FSTL4: variants seen among roughly 807,000 people sequenced by gnomAD.
FSTL4 encodes follistatin like 4.
In FSTL4, 28 loss-of-function variants were observed where a neutral mutation model predicts 78.2. That is an observed-to-expected ratio of 0.36 (90% confidence interval 0.27 to 0.49). The LOEUF is 0.49. Ranked by LOEUF, FSTL4 falls within the 20% of genes least tolerant of loss-of-function variation. The pLI, the probability that FSTL4 is intolerant of heterozygous loss-of-function variation, is 0.98. For missense variants in FSTL4, 922 were observed against 1,084.9 expected (o/e 0.85, Z 2.11); for synonymous variants, 422 against 440.5 (o/e 0.96, Z 0.53).
At chr5:133,550,406 A>T (rs1046808184) in intron 3 of FSTL4, among the ~76,000 whole-genome samples, 4 of 152,218 alleles carry the variant, frequency 2.6e-5, no homozygotes, top group Non-Finnish European at 4.4e-5. Context: ...AATGCATTTC[A>T]GTAAGTATTC....
At chr5:133,704,148 C>A in the FSTL4 span, among the ~76,000 whole-genome samples, 1 of 152,094 alleles carries the variant, frequency 6.6e-6, no homozygotes, top group South Asian at 2.1e-4. Context: ...TAGCAGAGGG[C>A]CCTCTCTGGA....
intron 4 of FSTL4, 26 bp downstream of exon 4, chr5:133,400,712 C>A: frequency 6.2e-7 from 1 of 1,603,814 alleles, no homozygotes; most frequent in Non-Finnish European, 8.5e-7. Flanking sequence ...AAACCCAAAA[C>A]CACAGGGCAA....
At chr5:133,746,808 A>G in the FSTL4 span, among the ~76,000 whole-genome samples, 1 of 152,198 alleles carries the variant, frequency 6.6e-6, no homozygotes, top group Non-Finnish European at 1.5e-5. Context: ...TAAAACAGCA[A>G]ATCTAACCAT....
At chr5:133,313,857 G>C (rs758005845) in intron 5 of FSTL4, among the ~76,000 whole-genome samples, 1 of 152,124 alleles carries the variant, frequency 6.6e-6, no homozygotes, top group Non-Finnish European at 1.5e-5. Flanking sequence ...ACTTTTTATA[G>C]GACTGACAAG....
At position 133,225,514 on chromosome 5, in the gene FSTL4, G is replaced by A; in HGVS notation, c.1177+144C>T. 1.1e-6 allele frequency: 1 copy of A among 873,894 alleles called. No individual in the cohort carries two copies. The highest frequency in any genetic ancestry group is 1.8e-6 in the Non-Finnish European group (1 of 557,832). 54.1% of individuals were successfully genotyped at this position (873,894 alleles called of 1,614,324 possible). On this transcript the variant is annotated intron_variant, in intron 9 of 15. Transcript: ENST00000265342. This position sits in a 1 kb window ranked among gnomAD's most constrained non-coding sequence, Gnocchi z 4.6. ...GCCCCAAAAGATCTGTGTGAGCCCA[G>A]ATAACAGGGAAATTTGGGAGCCATC... is the stretch of plus-strand genomic sequence containing the variant.
At chr5:133,736,547 T>C in the FSTL4 span, among the ~76,000 whole-genome samples, 1 of 152,236 alleles carries the variant, frequency 6.6e-6, no homozygotes, top group Admixed American at 6.5e-5. Flanking sequence ...CAGTCATTTG[T>C]GACTTGTGAC....
At chr5:133,492,257 A>T (rs1281554568) in intron 3 of FSTL4, among the ~76,000 whole-genome samples, 1 of 152,192 alleles carries the variant, frequency 6.6e-6, no homozygotes, top group East Asian at 1.9e-4. Flanking sequence ...TAGTCATTTT[A>T]TTATCAATGC....
Position 133,448,738 on chromosome 5 carries a change from G to GC in FSTL4, c.161-47753dup, listed in dbSNP as rs1554115243. Among the ~76,000 whole-genome samples, 4 of 75,398 alleles carry GC rather than the reference G, an allele frequency of 5.3e-5. No homozygotes were observed. The East Asian group carries it at 1.9e-3, about 36-fold the overall frequency. The allele number at this position is 75,398 out of a possible 152,430, so 49.5% of individuals were successfully genotyped here. A position where few individuals can be genotyped will look rare whatever the true frequency, so the allele number is the denominator to read the frequency against. On this transcript the variant is annotated intron_variant, in intron 3 of 15. Transcript: ENST00000265342. ...CTTCAGAATCCCCAGGGGTGCGGGG[G>GC]CGGGGGGGGGGGGCGCTCAGAATTT...
chr5:133,675,895 G>A, the FSTL4 span, among the ~76,000 whole-genome samples: 5 of 152,234 alleles, frequency 3.3e-5, no homozygotes, highest in Admixed American at 6.5e-5. Context: ...CTTGGTCTCC[G>A]GGCCTGGCAA....
intron 6 of FSTL4, among the ~76,000 whole-genome samples, chr5:133,301,828 G>A (rs979498270): frequency 3.3e-5 from 5 of 152,140 alleles, no homozygotes; most frequent in African/African-American, 9.7e-5. Flanking sequence ...TGTTGCTGCA[G>A]TGTTGGAATT....
At chr5:133,456,042 G>A (rs985039891) in intron 3 of FSTL4, among the ~76,000 whole-genome samples, 1 of 152,230 alleles carries the variant, frequency 6.6e-6, no homozygotes, top group Non-Finnish European at 1.5e-5. Flanking sequence ...TGTAAGGCAG[G>A]GGAGGGCGTT....
chr5:133,839,895 G>GC, the FSTL4 span, among the ~76,000 whole-genome samples: 2 of 152,230 alleles, frequency 1.3e-5, no homozygotes, highest in African/African-American at 4.8e-5. Flanking sequence ...GGGGCCATTA[G>GC]CCAGTTGGCA....
At chr5:133,536,612 T>A (rs938561028) in intron 3 of FSTL4, among the ~76,000 whole-genome samples, 4 of 152,116 alleles carry the variant, frequency 2.6e-5, no homozygotes, top group Non-Finnish European at 4.4e-5. Flanking sequence ...ATATGTGGCA[T>A]ATAAAATAAC....
At chr5:133,657,772 TTTG>T in the FSTL4 span, among the ~76,000 whole-genome samples, 7 of 109,234 alleles carry the variant, frequency 6.4e-5, no homozygotes, top group South Asian at 8.6e-4. Flanking sequence ...TTTTGTTTTT[TTTG>T]TTTTTTTTTT....
chr5:133,644,670 T>C, the FSTL4 span, among the ~76,000 whole-genome samples: 1 of 152,102 alleles, frequency 6.6e-6, no homozygotes, highest in African/African-American at 2.4e-5. Flanking sequence ...GACAGCCCGA[T>C]TATTTGAACA....
intron 3 of FSTL4, among the ~76,000 whole-genome samples, chr5:133,411,312 C>T (rs1208966806): frequency 4.6e-5 from 7 of 152,082 alleles, no homozygotes; most frequent in Admixed American, 4.6e-4. Flanking sequence ...TACCAAAATG[C>T]CACGAGAATC....
At chr5:133,419,920 A>T (rs1173740894) in intron 3 of FSTL4, among the ~76,000 whole-genome samples, 1 of 152,274 alleles carries the variant, frequency 6.6e-6, no homozygotes, top group Non-Finnish European at 1.5e-5. Flanking sequence ...ATCCAAGAGA[A>T]ATGAAAGACT....
chr5:133,423,765 A>T (rs1455884326), intron 3 of FSTL4, among the ~76,000 whole-genome samples: 1 of 152,136 alleles, frequency 6.6e-6, no homozygotes, highest in Non-Finnish European at 1.5e-5. Flanking sequence ...ATGAGTACAG[A>T]CAAATGACTC....
At chr5:133,427,847 G>A (rs1215257578) in intron 3 of FSTL4, 3 of 369,576 alleles carry the variant, frequency 8.1e-6, no homozygotes, top group Non-Finnish European at 1.2e-5. Flanking sequence ...AGAAGTGTGA[G>A]GGTTTGGGTT....
Sources: allele counts gnomAD v4.1 joint callset (sites outside exome capture counted in the v4.1 genomes callset), GRCh38; gene constraint gnomAD v4.1.1; non-coding constraint Gnocchi (gnomAD v3.1); transcripts MANE v1.5; gene names NCBI Gene and HGNC (gene_info 2026-07-23, HGNC 2026-07-21).